The following RAPGEF1 variants were observed in gnomAD, a reference collection of about 807,000 sequenced individuals.
RAPGEF1 encodes CRK SH3-binding GNRP.
A neutral mutation model predicts 143.3 loss-of-function variants in RAPGEF1; 33 were observed. The observed-to-expected ratio is 0.23, with a 90% CI of 0.17 to 0.31. RAPGEF1 has a LOEUF of 0.31. RAPGEF1 is among the 10% of genes least tolerant of loss of function. RAPGEF1 has a pLI of 1.00. For missense variants in RAPGEF1, 1,199 were observed against 1,645.4 expected (o/e 0.73, Z 4.69); for synonymous variants, 629 against 676.5 (o/e 0.93, Z 1.09).
chr9:131,578,014 G>T lies in RAPGEF1; in HGVS notation c.*1483C>A, dbSNP rs367618048. ...ATGTTGCTTTCTATATTTTTCCTTT[G>T]TTCTGTTTGAACTGGGCTAAGTAAG... On this transcript the variant is annotated 3_prime_UTR_variant, in exon 27 of 27. Coordinates refer to ENST00000683357, the MANE Select transcript of RAPGEF1 (RefSeq NM_001377935.1). 1.3e-5 allele frequency: 2 copies of T among 152,298 alleles called. No homozygotes were observed. The highest frequency in any genetic ancestry group is 4.8e-5 in the African/African-American group (2 of 41,562). 9.4% of individuals were successfully genotyped at this position (152,298 alleles called of 1,614,324 possible).
At chr9:131,608,697 G>A (rs1015570834) in intron 12 of RAPGEF1, among the ~76,000 whole-genome samples, 36 of 152,188 alleles carry the variant, frequency 2.4e-4, no homozygotes, top group African/African-American at 8.0e-4. Flanking sequence ...GTACCTTCAC[G>A]GGGCAGGGAG....
intron 1 of RAPGEF1, among the ~76,000 whole-genome samples, chr9:131,657,853 G>GA (rs1193836405): frequency 1.3e-5 from 2 of 152,122 alleles, no homozygotes; most frequent in African/African-American, 4.8e-5. Context: ...AGTTTATATC[G>GA]ACATATACAG....
intron 1 of RAPGEF1, among the ~76,000 whole-genome samples, chr9:131,686,722 C>T (rs1322355956): frequency 2.0e-5 from 3 of 152,218 alleles, no homozygotes; most frequent in African/African-American, 4.8e-5. Context: ...TGAGAGGATG[C>T]CTCCTGGAAA....
At chr9:131,646,296 T>A (rs1314564390) in intron 3 of RAPGEF1, among the ~76,000 whole-genome samples, 1 of 152,228 alleles carries the variant, frequency 6.6e-6, no homozygotes, top group Non-Finnish European at 1.5e-5. Flanking sequence ...GAACTTGGTC[T>A]GTCTGAGTTC....
rs755287053 is a variant in RAPGEF1 at position 131,604,887 on chromosome 9, T to TGG, written c.2319+43_2319+44insCC. 7.6e-5 allele frequency: 14 copies of TGG among 183,418 alleles called. 1 individual carries two copies. Among genetic ancestry groups the TGG allele is most frequent in the African/African-American group, 5.4e-4 (13 of 24,244 alleles). The allele number at this position is 183,418 out of a possible 1,614,324, so 11.4% of individuals were successfully genotyped here. On this transcript the variant is annotated intron_variant, in intron 13 of 26. Coordinates refer to ENST00000683357, the MANE Select transcript of RAPGEF1 (RefSeq NM_001377935.1). The stretch of plus-strand genomic sequence containing the variant: ...AAACGTGCAGCCCCATGTGCAGGGG[T>TGG]GTGTGTGTGTGTGTGTGTGTGTGTG...
At chr9:131,610,019 C>G (rs945015973) in intron 12 of RAPGEF1, among the ~76,000 whole-genome samples, 9 of 152,162 alleles carry the variant, frequency 5.9e-5, no homozygotes, top group African/African-American at 1.9e-4. Flanking sequence ...GCCTCAGCCT[C>G]TCAAATAGGG....
At chr9:131,679,064 G>A (rs1250685770) in intron 1 of RAPGEF1, among the ~76,000 whole-genome samples, 1 of 152,108 alleles carries the variant, frequency 6.6e-6, no homozygotes, top group Non-Finnish European at 1.5e-5. Context: ...AGCAGTGACT[G>A]GGGGTGGGGG....
intron 1 of RAPGEF1, among the ~76,000 whole-genome samples, chr9:131,656,059 T>C (rs551396729): frequency 6.0e-4 from 91 of 152,204 alleles, no homozygotes; most frequent in Non-Finnish European, 8.2e-4. Flanking sequence ...TTACTGTGGA[T>C]AATACAATAA....
At chr9:131,630,788 G>A (rs1408221078) in intron 5 of RAPGEF1, among the ~76,000 whole-genome samples, 1 of 152,152 alleles carries the variant, frequency 6.6e-6, no homozygotes, top group East Asian at 1.9e-4. Flanking sequence ...GGTGGGGTGA[G>A]GGCTGGCTGG....
chr9:131,690,803 T>TA (rs1024394458), intron 1 of RAPGEF1, among the ~76,000 whole-genome samples: 1 of 152,054 alleles, frequency 6.6e-6, no homozygotes, highest in Admixed American at 6.6e-5. Context: ...AAAAAATAAA[T>TA]AAATAAAATA....
Position 131,602,122 on chromosome 9 carries a change from G to C in RAPGEF1, c.2440C>G (p.Pro814Ala). The C allele has an allele frequency of 6.3e-7, 1 of 1,599,768 alleles. No homozygotes were observed. The highest frequency in any genetic ancestry group is 1.1e-5 in the South Asian group (1 of 88,720). ...CCGCTGACCGCTGAGGGATCTCTGGGATGTCCGTCTTTCCCAGCCGGTGGC... is the reference window on the plus strand; with the variant it reads ...CCGCTGACCGCTGAGGGATCTCTGGCATGTCCGTCTTTCCCAGCCGGTGGC... ...GEPPAGKDGH[P>A]RDPSAVSGVP... Residue 814 changes from proline to alanine, a missense_variant, in exon 15 of 27, where the codon CCC (proline) becomes GCC (alanine). Pro to Ala is a conservative substitution (Grantham distance 27). This residue lies in a region of RAPGEF1 where 293 missense variants were observed against 356.2 expected (regional missense o/e 0.82). Transcript: ENST00000683357.
intron 1 of RAPGEF1, among the ~76,000 whole-genome samples, chr9:131,719,380 C>T (rs1836091825): frequency 6.6e-6 from 1 of 152,042 alleles, no homozygotes; most frequent in Admixed American, 6.6e-5. Flanking sequence ...GAAGTGTCAC[C>T]ATTTTCTTGT....
intron 1 of RAPGEF1, among the ~76,000 whole-genome samples, chr9:131,718,437 T>C (rs935124940): frequency 7.2e-5 from 11 of 151,770 alleles, no homozygotes; most frequent in African/African-American, 2.4e-4. Flanking sequence ...TGGCTGTGAG[T>C]TGGGAGAAGA....
chr9:131,620,791 G>A (rs561556510), intron 11 of RAPGEF1, among the ~76,000 whole-genome samples: 19 of 152,330 alleles, frequency 1.2e-4, no homozygotes, highest in East Asian at 5.8e-4. Context: ...TTGATTATAC[G>A]GAGTAATCCA....
At chr9:131,593,718 T>C (rs1006378409) in intron 17 of RAPGEF1, among the ~76,000 whole-genome samples, 2 of 152,156 alleles carry the variant, frequency 1.3e-5, no homozygotes, top group African/African-American at 4.8e-5. Flanking sequence ...TGAAGGAGGC[T>C]CCGGGCTGGG....
chr9:131,679,396 T>C (rs1832724322), intron 1 of RAPGEF1, among the ~76,000 whole-genome samples: 1 of 152,214 alleles, frequency 6.6e-6, no homozygotes, highest in Admixed American at 6.5e-5. Context: ...GGAGCCACTT[T>C]TGCCTTTGCC....
intron 10 of RAPGEF1, among the ~76,000 whole-genome samples, chr9:131,623,031 G>C (rs904719476): frequency 6.6e-6 from 1 of 152,132 alleles, no homozygotes; most frequent in African/African-American, 2.4e-5. Context: ...TCCTCCCAAA[G>C]TGCTGGGATT....
chr9:131,716,925 C>T (rs1035172405), intron 1 of RAPGEF1, among the ~76,000 whole-genome samples: 1 of 152,180 alleles, frequency 6.6e-6, no homozygotes, highest in South Asian at 2.1e-4. Context: ...GGCGACTGGA[C>T]ACTGTGCATA....
At chr9:131,597,709 G>C (rs960184709) in intron 16 of RAPGEF1, among the ~76,000 whole-genome samples, 1 of 152,156 alleles carries the variant, frequency 6.6e-6, no homozygotes, top group Non-Finnish European at 1.5e-5. Context: ...ACAGTGTCCA[G>C]GCCTGAATTT....
Sources: allele counts gnomAD v4.1 joint callset (sites outside exome capture counted in the v4.1 genomes callset), GRCh38; gene constraint gnomAD v4.1.1; regional missense constraint gnomAD v4.1.1; transcripts MANE v1.5; gene names NCBI Gene and HGNC (gene_info 2026-07-23, HGNC 2026-07-21).